The following HNF4G variants were observed in gnomAD, a reference collection of about 807,000 sequenced individuals.
HNF4G encodes the protein hepatocyte nuclear factor 4 gamma, also known as hepatocyte nuclear factor 4-gamma.
A neutral mutation model predicts 50.9 loss-of-function variants in HNF4G; 21 were observed. The observed-to-expected ratio is 0.41, with a 90% CI of 0.29 to 0.59. HNF4G has a LOEUF of 0.59. Among genes scored for constraint, HNF4G ranks in the 20% least tolerant of loss-of-function variants. HNF4G has a pLI of 0.26. For missense variants in HNF4G, 527 were observed against 559.4 expected (o/e 0.94, Z 0.58); for synonymous variants, 198 against 185.6 (o/e 1.07, Z -0.54).
intron 3 of HNF4G, among the ~76,000 whole-genome samples, chr8:75,551,139 G>A (rs982459593): frequency 2.0e-5 from 3 of 152,030 alleles, no homozygotes; most frequent in Admixed American, 2.0e-4. Flanking sequence ...TGGCGGAACT[G>A]GCTGACCCAA....
At chr8:75,492,209 C>T (rs180798306) in intron 2 of HNF4G, among the ~76,000 whole-genome samples, 1 of 152,246 alleles carries the variant, frequency 6.6e-6, no homozygotes, top group African/African-American at 2.4e-5. Flanking sequence ...CAAATGCCAC[C>T]GCCCCACACT....
At position 75,564,108 on chromosome 8, in the gene HNF4G, CT is replaced by C; in HGVS notation, c.*14del. On this transcript the variant is annotated 3_prime_UTR_variant, in exon 10 of 10. Transcript: ENST00000396423. Reference sequence around the variant, plus strand: ...AAAAGCAATTGTGAAAATGTGTTTACTTCAGAACGGCACTACATAAATGTGA... The same window carrying C: ...AAAAGCAATTGTGAAAATGTGTTTACTCAGAACGGCACTACATAAATGTGA... The C allele has an allele frequency of 6.2e-7, 1 of 1,612,688 alleles. No individual in the cohort carries two copies. The highest frequency in any genetic ancestry group is 8.5e-7 in the Non-Finnish European group (1 of 1,179,138).
chr8:75,462,955 T>G (rs2130610816), intron 1 of HNF4G, among the ~76,000 whole-genome samples: 1 of 152,238 alleles, frequency 6.6e-6, no homozygotes, highest in Non-Finnish European at 1.5e-5. Context: ...AACTATTTTC[T>G]AAATATATTA....
chr8:75,521,204 C>G, intron 2 of HNF4G, among the ~76,000 whole-genome samples: 1 of 152,196 alleles, frequency 6.6e-6, no homozygotes, highest in Middle Eastern at 3.4e-3. Context: ...TAAAAAGTAA[C>G]AAATATTCCT....
At chr8:75,445,832 G>T (rs2130561529) in intron 1 of HNF4G, among the ~76,000 whole-genome samples, 1 of 134,478 alleles carries the variant, frequency 7.4e-6, no homozygotes, top group Non-Finnish European at 1.6e-5. Context: ...TGGATTCACA[G>T]CCGAATTCTA....
intron 3 of HNF4G, among the ~76,000 whole-genome samples, chr8:75,550,912 C>T (rs1042748814): frequency 2.6e-5 from 4 of 152,044 alleles, no homozygotes; most frequent in African/African-American, 9.7e-5. Context: ...ATATTGCAAT[C>T]CTAAAATCAT....
chr8:75,455,606 GTTC>G (rs764475753), intron 1 of HNF4G, among the ~76,000 whole-genome samples: 4 of 152,040 alleles, frequency 2.6e-5, no homozygotes, highest in African/African-American at 9.7e-5. Flanking sequence ...TTAAGAAAAT[GTTC>G]TTCTGCTAAT....
At chr8:75,424,158 T>A (rs1341226820) in intron 1 of HNF4G, among the ~76,000 whole-genome samples, 2 of 152,110 alleles carry the variant, frequency 1.3e-5, no homozygotes, top group Non-Finnish European at 2.9e-5. Flanking sequence ...TGTTGGCAGG[T>A]GTATGTTTTA....
chr8:75,542,209 G>A (rs998725328), intron 1 of HNF4G, among the ~76,000 whole-genome samples: 2 of 152,084 alleles, frequency 1.3e-5, no homozygotes, highest in African/African-American at 2.4e-5. Context: ...GGAGGCTGAG[G>A]TGGGAGGATT....
chr8:75,427,639 C>T lies in HNF4G; in HGVS notation c.-144+19477C>T, dbSNP rs867058603. On this transcript the variant is annotated intron_variant, in intron 1 of 10. Coordinates refer to the HNF4G transcript ENST00000354370. Reference sequence around the variant, plus strand: ...TCTTCTCATCTAGTATAGTACTTTACAGATAGCGAATGCCTTGTTAAGTAT... The same window carrying T: ...TCTTCTCATCTAGTATAGTACTTTATAGATAGCGAATGCCTTGTTAAGTAT... Among the ~76,000 whole-genome samples, 21 of 151,652 alleles carry T rather than the reference C, an allele frequency of 1.4e-4. No homozygotes were observed. In the South Asian group the frequency reaches 4.4e-3, roughly 32 times the overall value.
intron 1 of HNF4G, among the ~76,000 whole-genome samples, chr8:75,466,039 A>G (rs1044369357): frequency 6.6e-6 from 1 of 152,142 alleles, no homozygotes; most frequent in Admixed American, 6.5e-5. Flanking sequence ...TTTATTTATT[A>G]GCTTCTTTTA....
chr8:75,447,575 CA>C (rs893430471), intron 1 of HNF4G, among the ~76,000 whole-genome samples: 75 of 150,062 alleles, frequency 5.0e-4, no homozygotes, highest in Non-Finnish European at 1.0e-3. Flanking sequence ...TGAACTCAAA[CA>C]AATTTACAAG....
intron 1 of HNF4G, among the ~76,000 whole-genome samples, chr8:75,420,860 C>T (rs975101799): frequency 6.6e-6 from 1 of 152,120 alleles, no homozygotes; most frequent in Non-Finnish European, 1.5e-5. Flanking sequence ...ATAACTCTGA[C>T]TCATTCTTTA....
intron 1 of HNF4G, among the ~76,000 whole-genome samples, chr8:75,481,591 G>T (rs1184314388): frequency 6.6e-6 from 1 of 152,150 alleles, no homozygotes; most frequent in African/African-American, 2.4e-5. Flanking sequence ...AATCTGATAA[G>T]CACGAGTAGG....
At position 75,558,637 on chromosome 8, in the gene HNF4G, G is replaced by A. The variant is rs1191008697; in HGVS notation, c.853G>A (p.Ala285Thr). Residue 285 changes from alanine (A) to threonine (T), a missense_variant, in exon 7 of 10, where the codon GCT (alanine) becomes ACT (threonine). Physicochemically the swap from Ala to Thr is moderately conservative, Grantham distance 58. Coordinates refer to ENST00000396423, the MANE Select transcript of HNF4G (RefSeq NM_004133.5). ...AATCCAGATTGATGACAATGAGTAT[G>A]CTTGTTTAAAGGCAATTGTATTTTT... ...QEIQIDDNEYACLKAIVFFDP... is the reference protein window; with the variant it reads ...QEIQIDDNEYTCLKAIVFFDP... The A allele has an allele frequency of 1.2e-6, 2 of 1,613,816 alleles. No individual in the cohort carries two copies.
chr8:75,415,927 C>T (rs535192398), intron 1 of HNF4G, among the ~76,000 whole-genome samples: 29 of 152,130 alleles, frequency 1.9e-4, no homozygotes, highest in African/African-American at 7.0e-4. Flanking sequence ...ACAATAGGTT[C>T]TGATAAAGTT....
chr8:75,465,908 G>T (rs1172216416), intron 1 of HNF4G, among the ~76,000 whole-genome samples: 1 of 152,092 alleles, frequency 6.6e-6, no homozygotes, highest in Non-Finnish European at 1.5e-5. Context: ...GAAGCAGCCT[G>T]GGATAATAGA....
chr8:75,466,616 C>CG (rs1811986553), intron 1 of HNF4G, among the ~76,000 whole-genome samples: 2 of 113,410 alleles, frequency 1.8e-5, no homozygotes, highest in South Asian at 3.3e-4. Context: ...TTCCTTCCTT[C>CG]CTTCCTTCCT....
In HNF4G at chr8:75,565,557, T is replaced by C. The variant is rs1203930987; in HGVS notation, c.*1461T>C. 5 of 152,146 alleles carry C rather than the reference T, an allele frequency of 3.3e-5. No homozygotes were observed. Among genetic ancestry groups the C allele is most frequent in the Non-Finnish European group, 5.9e-5 (4 of 68,032 alleles). The allele number at this position is 152,146 out of a possible 1,614,324, so 9.4% of individuals were successfully genotyped here. A position where few individuals can be genotyped will look rare whatever the true frequency, so the allele number is the denominator to read the frequency against. On this transcript the variant is annotated 3_prime_UTR_variant, in exon 10 of 10. Coordinates refer to ENST00000396423, the MANE Select transcript of HNF4G (RefSeq NM_004133.5). Reference sequence around the variant, plus strand: ...TCTGATATCACTTAAAGCTGGAGTTTATTTTAAAACAAATGAAGCATGGGC... The same window carrying C: ...TCTGATATCACTTAAAGCTGGAGTTCATTTTAAAACAAATGAAGCATGGGC...
Sources: gnomAD v4.1 joint callset for allele counts (sites outside exome capture counted in the v4.1 genomes callset) on GRCh38, gnomAD v4.1.1 for gene constraint, MANE v1.5 for transcripts, NCBI Gene and HGNC (gene_info 2026-07-23, HGNC 2026-07-21) for gene names.